The following OSTN variants were observed in gnomAD, a reference collection of about 807,000 sequenced individuals.
OSTN encodes osteocrin.
Under a neutral mutation model 12.0 loss-of-function variants are expected in OSTN, and 9 were observed. The observed-to-expected ratio is 0.75, with a 90% CI of 0.45 to 1.30. OSTN has a LOEUF of 1.30. Among genes scored for constraint, OSTN ranks in the 50% most tolerant of loss-of-function variants. OSTN has a pLI of 0.00. For missense variants in OSTN, 148 were observed against 152.3 expected (o/e 0.97, Z 0.15); for synonymous variants, 59 against 56.9 (o/e 1.04, Z -0.16).
intron 4 of OSTN, among the ~76,000 whole-genome samples, chr3:191,259,478 G>A (rs1715753550): frequency 1.3e-5 from 2 of 149,050 alleles, no homozygotes; most frequent in African/African-American, 4.9e-5. Context: ...TGGGATTACA[G>A]GCGTGAGCCA....
rs185790686 is a variant in OSTN at position 191,205,983 on chromosome 3, G to A, written c.1-6550G>A. On this transcript the variant is annotated intron_variant, in intron 1 of 4. Transcript: ENST00000682035. ...GTGGATCACCTGAAGTCAGGAGTTCGAGAACAGCCTGGCCAACATGGCGAA... is the reference window on the plus strand; with the variant it reads ...GTGGATCACCTGAAGTCAGGAGTTCAAGAACAGCCTGGCCAACATGGCGAA... Among the ~76,000 whole-genome samples the A allele has an allele frequency of 4.3e-3, 654 of 152,198 alleles. 2 individuals carry two copies. The highest frequency in any genetic ancestry group is 0.013 in the African/African-American group (538 of 41,522).
chr3:191,240,775 C>G (rs1416824980), intron 3 of OSTN, among the ~76,000 whole-genome samples: 1 of 152,240 alleles, frequency 6.6e-6, no homozygotes, highest in Non-Finnish European at 1.5e-5. Context: ...TGGCGAGAGG[C>G]CTTAGCTCTT....
rs545497811 is a variant in OSTN at position 191,264,058 on chromosome 3, C to A, written c.*1205C>A. On this transcript the variant is annotated 3_prime_UTR_variant, in exon 5 of 5. Transcript: ENST00000682035. ...AAACCCTAAAAATCACTGTCTGATA[C>A]GTGGGAGGAAAAAAGTTTTGTCCAG... 29 of 151,868 alleles carry A rather than the reference C, an allele frequency of 1.9e-4. No individual in the cohort carries two copies. The highest frequency in any genetic ancestry group is 5.6e-4 in the African/African-American group (23 of 41,342). 9.4% of individuals were successfully genotyped at this position (151,868 alleles called of 1,614,324 possible).
chr3:191,223,534 TTTGA>T (rs1163622864), intron 3 of OSTN, among the ~76,000 whole-genome samples: 2 of 152,186 alleles, frequency 1.3e-5, no homozygotes, highest in African/African-American at 4.8e-5. Flanking sequence ...GGAATGAGTA[TTTGA>T]TTGCTTCACG....
At chr3:191,199,437 C>T (rs922955446) in intron 1 of OSTN, 130 bp downstream of exon 1, 1 of 152,028 alleles carries the variant, frequency 6.6e-6, no homozygotes, top group African/African-American at 2.4e-5. Context: ...ATTTCCCTCT[C>T]TAAAATGAGT....
At chr3:191,237,822 T>C (rs1209519251) in intron 3 of OSTN, among the ~76,000 whole-genome samples, 1 of 152,186 alleles carries the variant, frequency 6.6e-6, no homozygotes, top group Non-Finnish European at 1.5e-5. Context: ...CCATCACCTA[T>C]GGTCACCTGA....
intron 3 of OSTN, among the ~76,000 whole-genome samples, chr3:191,241,351 T>G (rs1399166989): frequency 6.6e-6 from 1 of 151,516 alleles, no homozygotes; most frequent in Non-Finnish European, 1.5e-5. Context: ...CCCGGCTAAT[T>G]TTTTTTGTAT....
At chr3:191,217,148 C>T (rs963177365) in intron 2 of OSTN, 2 of 152,240 alleles carry the variant, frequency 1.3e-5, no homozygotes, top group Non-Finnish European at 2.9e-5. Flanking sequence ...ACCTTCTTCA[C>T]AAGGCAGCAG....
At chr3:191,244,252 T>C in intron 3 of OSTN, among the ~76,000 whole-genome samples, 1 of 152,138 alleles carries the variant, frequency 6.6e-6, no homozygotes, top group East Asian at 1.9e-4. Context: ...AAGAAAATCC[T>C]GTTTCACATA....
chr3:191,255,153 C>T (rs1208863448), intron 4 of OSTN, among the ~76,000 whole-genome samples: 1 of 152,064 alleles, frequency 6.6e-6, no homozygotes, highest in East Asian at 1.9e-4. Flanking sequence ...GAACACACAA[C>T]CTAGATCCCT....
chr3:191,237,346 G>A (rs895410737), intron 3 of OSTN, among the ~76,000 whole-genome samples: 3 of 152,140 alleles, frequency 2.0e-5, no homozygotes, highest in African/African-American at 4.8e-5. Flanking sequence ...CTATCCTAAC[G>A]GGACTGCAGC....
At chr3:191,243,445 T>C (rs79126352) in intron 3 of OSTN, among the ~76,000 whole-genome samples, 2,991 of 152,226 alleles carry the variant, frequency 0.02, 95 homozygotes, top group African/African-American at 0.07. Context: ...TGAAATATTA[T>C]ACAGCAGTAA....
intron 3 of OSTN, among the ~76,000 whole-genome samples, chr3:191,235,644 C>T (rs1270325213): frequency 6.6e-6 from 1 of 152,098 alleles, no homozygotes; most frequent in Admixed American, 6.6e-5. Context: ...CTGCTATGCC[C>T]CTCATCCTCA....
At chr3:191,232,451 C>A (rs1018986367) in intron 3 of OSTN, among the ~76,000 whole-genome samples, 1 of 145,810 alleles carries the variant, frequency 6.9e-6, no homozygotes, top group Non-Finnish European at 1.5e-5. Context: ...ATATGAGTAA[C>A]AATGTTCAGA....
chr3:191,216,448 A>C (rs1232663842), intron 2 of OSTN, among the ~76,000 whole-genome samples: 1 of 152,220 alleles, frequency 6.6e-6, no homozygotes, highest in Non-Finnish European at 1.5e-5. Flanking sequence ...CTCCCCAGAA[A>C]ATGGGTTTTT....
At position 191,241,469 on chromosome 3, in the gene OSTN, C is replaced by T. The variant is rs183392174; in HGVS notation, c.318-8568C>T. 1.1e-4 allele frequency among the ~76,000 whole-genome samples: 16 copies of T among 151,938 alleles called. No individual in the cohort carries two copies. In the East Asian group the frequency reaches 3.1e-3, roughly 29 times the overall value. On this transcript the variant is annotated intron_variant, in intron 3 of 4. Coordinates refer to ENST00000682035, the MANE Select transcript of OSTN (RefSeq NM_198184.2). ...AAAGCGCTGGGATTACAGGCGTGAG[C>T]CAACGCGCCTGGCCAGCTCTGTGCC... is the stretch of plus-strand genomic sequence containing the variant.
In OSTN at chr3:191,263,433, A is replaced by G. The variant is rs1715853899; in HGVS notation, c.*580A>G. On this transcript the variant is annotated 3_prime_UTR_variant, in exon 5 of 5. Coordinates refer to ENST00000682035, the MANE Select transcript of OSTN (RefSeq NM_198184.2). ...GCCCCAATGAGCCTATTGACTTAGA[A>G]TTAAGAAAGTGAAGGACATTACTCA... 1 of 152,248 alleles carries G rather than the reference A, an allele frequency of 6.6e-6. No individual in the cohort carries two copies. The highest frequency in any genetic ancestry group is 2.1e-4 in the South Asian group (1 of 4,838). The allele number at this position is 152,248 out of a possible 1,614,324, so 9.4% of individuals were successfully genotyped here. A position where few individuals can be genotyped will look rare whatever the true frequency, so the allele number is the denominator to read the frequency against.
At chr3:191,241,702 A>G (rs1016321402) in intron 3 of OSTN, among the ~76,000 whole-genome samples, 2 of 152,206 alleles carry the variant, frequency 1.3e-5, no homozygotes, top group Non-Finnish European at 2.9e-5. Context: ...TATTAAGAAC[A>G]ATCAAACAAC....
At chr3:191,219,415 A>G (rs746435386) in intron 3 of OSTN, among the ~76,000 whole-genome samples, 1 of 152,228 alleles carries the variant, frequency 6.6e-6, no homozygotes, top group African/African-American at 2.4e-5. Context: ...GTCAGAACGC[A>G]TGTGTTTCTG....
Sources: allele counts gnomAD v4.1 joint callset (sites outside exome capture counted in the v4.1 genomes callset), GRCh38; gene constraint gnomAD v4.1.1; transcripts MANE v1.5; gene names NCBI Gene and HGNC (gene_info 2026-07-23, HGNC 2026-07-21).